Variants in CAMTA1 observed in about 807,000 individuals in gnomAD.
The protein encoded by CAMTA1 is calmodulin binding transcription activator 1, also known as calmodulin-binding transcription activator 1.
CAMTA1 carries 27 observed loss-of-function variants against 170.9 expected under a neutral mutation model. That is an observed-to-expected ratio of 0.16 (90% CI 0.12 to 0.22). The LOEUF is 0.22. CAMTA1 is among the 10% of genes least tolerant of loss of function. CAMTA1 has a pLI of 1.00. For synonymous variants in CAMTA1, 833 were observed against 891.5 expected (o/e 0.93, Z 1.17); for missense variants, 1,619 against 2,217.2 (o/e 0.73, Z 5.42).
At position 7,311,419 on chromosome 1, in the gene CAMTA1, A is replaced by G. The variant is rs1329917609; in HGVS notation, c.438+61793A>G. On this transcript the variant is annotated intron_variant, in intron 5 of 22. Transcript: ENST00000303635. Reference sequence around the variant, plus strand: ...TGAGTTTTCTGTTTGGGTTATGGTAATTTTCAGTTCTAAAATTTCCATTTG... The same window carrying G: ...TGAGTTTTCTGTTTGGGTTATGGTAGTTTTCAGTTCTAAAATTTCCATTTG... 3.3e-5 allele frequency among the ~76,000 whole-genome samples: 5 copies of G among 152,172 alleles called. No homozygotes were observed. The East Asian group carries it at 9.7e-4, about 29-fold the overall frequency.
In CAMTA1 at chr1:7,738,734, C is replaced by T. The variant is rs142847269; in HGVS notation, c.4182+252C>T. 3.3e-5 allele frequency among the ~76,000 whole-genome samples: 5 copies of T among 152,302 alleles called. No individual in the cohort carries two copies. In the East Asian group the frequency reaches 9.6e-4, roughly 29 times the overall value. On this transcript the variant is annotated intron_variant, in intron 16 of 22. Transcript: ENST00000303635. This position sits in a 1 kb window ranked among gnomAD's most constrained non-coding sequence, Gnocchi z 4.9. Reference sequence around the variant, plus strand: ...AAGCCTTCCCTCTTTGTACCAACTTCTCAGAACTCACTGAGGACCCTACAG... The same window carrying T: ...AAGCCTTCCCTCTTTGTACCAACTTTTCAGAACTCACTGAGGACCCTACAG...
chr1:7,518,701 A>G (rs578240819), intron 6 of CAMTA1, among the ~76,000 whole-genome samples: 2 of 152,074 alleles, frequency 1.3e-5, no homozygotes, highest in East Asian at 3.9e-4. Flanking sequence ...AGCTCCACTT[A>G]GCTGACTCCT....
chr1:7,379,631 C>T (rs1023182694), intron 5 of CAMTA1, among the ~76,000 whole-genome samples: 8 of 152,188 alleles, frequency 5.3e-5, no homozygotes, highest in Admixed American at 2.6e-4. Context: ...GCGTCCTCAT[C>T]GGGGCATTCT....
chr1:7,226,522 A>C (rs1661721187), intron 4 of CAMTA1, among the ~76,000 whole-genome samples: 1 of 152,214 alleles, frequency 6.6e-6, no homozygotes, highest in Non-Finnish European at 1.5e-5. Flanking sequence ...GAAAGATACA[A>C]CAAAAAGCAA....
chr1:7,717,854 G>A (rs1198958013), intron 11 of CAMTA1, among the ~76,000 whole-genome samples: 1 of 152,068 alleles, frequency 6.6e-6, no homozygotes, highest in Non-Finnish European at 1.5e-5. Context: ...ACAAATATTT[G>A]TTCTACATGT....
At chr1:6,814,633 CCTAA>C (rs1645573669) in intron 1 of CAMTA1, among the ~76,000 whole-genome samples, 1 of 152,122 alleles carries the variant, frequency 6.6e-6, no homozygotes, top group Non-Finnish European at 1.5e-5. Context: ...AGTTAGCCTC[CCTAA>C]CTATCTAGGC....
intron 5 of CAMTA1, among the ~76,000 whole-genome samples, chr1:7,280,236 C>G (rs1671317474): frequency 6.6e-6 from 1 of 152,260 alleles, no homozygotes; most frequent in East Asian, 1.9e-4. Context: ...CCCCATCTGG[C>G]TCGCCAGTCA....
intron 6 of CAMTA1, among the ~76,000 whole-genome samples, chr1:7,584,991 G>C (rs76448635): frequency 0.013 from 2,009 of 152,292 alleles, 40 homozygotes; most frequent in African/African-American, 0.046. Context: ...ATGGTACATA[G>C]ACCATATATT....
chr1:6,957,307 TC>T (rs1396109674), intron 3 of CAMTA1, among the ~76,000 whole-genome samples: 1 of 152,162 alleles, frequency 6.6e-6, no homozygotes, highest in Non-Finnish European at 1.5e-5. Context: ...AGCAGCGTAT[TC>T]ACTTTCTGTG....
chr1:6,911,745 C>T (rs1263643642), intron 3 of CAMTA1, among the ~76,000 whole-genome samples: 1 of 152,162 alleles, frequency 6.6e-6, no homozygotes, highest in Non-Finnish European at 1.5e-5. Context: ...AGGCCGAGAA[C>T]CACCTCTCTG....
rs1224922453 is a variant in CAMTA1, at chr1:7,093,832, G to A, written c.302+2461G>A. Among the ~76,000 whole-genome samples, 3 of 152,192 alleles carry A rather than the reference G, an allele frequency of 2.0e-5. No homozygotes were observed. Among genetic ancestry groups the A allele is most frequent in the African/African-American group, 7.2e-5 (3 of 41,438 alleles). Reference sequence around the variant, plus strand: ...TGGCTCCGTCACTCAGTGGCTTTGCGACTGTGAAAAGGTCATCTTAGCTCC... The same window carrying A: ...TGGCTCCGTCACTCAGTGGCTTTGCAACTGTGAAAAGGTCATCTTAGCTCC... On this transcript the variant is annotated intron_variant, in intron 4 of 22. Transcript: ENST00000303635. The surrounding 1 kb of genome is among the most constrained non-coding windows in gnomAD (Gnocchi z 4.6).
intron 6 of CAMTA1, among the ~76,000 whole-genome samples, chr1:7,619,318 C>T (rs910064461): frequency 6.6e-6 from 1 of 152,208 alleles, no homozygotes; most frequent in African/African-American, 2.4e-5. Flanking sequence ...GCAGGGTCAG[C>T]CTATTCAGGG....
At chr1:7,171,868 T>A (rs1649683355) in intron 4 of CAMTA1, among the ~76,000 whole-genome samples, 2 of 152,238 alleles carry the variant, frequency 1.3e-5, no homozygotes, top group Admixed American at 1.3e-4. Context: ...ATATAATATG[T>A]GACCTTGTTG....
At chr1:7,521,178 TGAAA>T (rs1419265783) in intron 6 of CAMTA1, among the ~76,000 whole-genome samples, 2 of 152,236 alleles carry the variant, frequency 1.3e-5, no homozygotes, top group Non-Finnish European at 2.9e-5. Context: ...CTCTCTTTTA[TGAAA>T]GCATGGTGAT....
rs1318567634 is a variant in CAMTA1 at position 7,294,265 on chromosome 1, A to T, written c.438+44639A>T. Reference sequence around the variant, plus strand: ...CCCTTTCAGGGGTTTACGCTGTTTAACACTGGCTGAGTGTCAGGACTGGGG... The same window carrying T: ...CCCTTTCAGGGGTTTACGCTGTTTATCACTGGCTGAGTGTCAGGACTGGGG... On this transcript the variant is annotated intron_variant, in intron 5 of 22. Transcript: ENST00000303635. Among the ~76,000 whole-genome samples, 4 of 152,130 alleles carry T rather than the reference A, an allele frequency of 2.6e-5. No individual in the cohort carries two copies. In the East Asian group the frequency reaches 7.7e-4, roughly 29 times the overall value.
At position 7,752,483 on chromosome 1, in the gene CAMTA1, G is replaced by C; in HGVS notation, c.4908G>C (p.Gln1636His). The C allele has an allele frequency of 6.2e-7, 1 of 1,613,266 alleles. No homozygotes were observed. Among genetic ancestry groups the C allele is most frequent in the Non-Finnish European group, 8.5e-7 (1 of 1,179,692 alleles). ...KLRSSLLTKKQDQAARKIMRF... is the reference protein window; with the variant it reads ...KLRSSLLTKKHDQAARKIMRF... ...GGAGCAGTTTGCTAACCAAAAAGCA[G>C]GATCAAGCTGCTCGAAAAATAATGA... Residue 1636 changes from glutamine to histidine, a missense_variant, in exon 21 of 23, where the codon CAG (glutamine) becomes CAC (histidine). By Grantham distance (24) the Gln-to-His change is conservative. Transcript: ENST00000303635.
intron 11 of CAMTA1, among the ~76,000 whole-genome samples, chr1:7,726,170 T>C (rs777878281): frequency 1.3e-5 from 2 of 152,264 alleles, no homozygotes; most frequent in East Asian, 1.9e-4. Context: ...CTCAGCCCAG[T>C]TGACACTTTA....
At chr1:7,374,337 A>C (rs1465918639) in intron 5 of CAMTA1, among the ~76,000 whole-genome samples, 1 of 152,226 alleles carries the variant, frequency 6.6e-6, no homozygotes, top group Non-Finnish European at 1.5e-5. Context: ...TGAGAGAGGG[A>C]AAATAAGAGT....
Position 7,663,889 on chromosome 1 carries a change from G to C in CAMTA1, c.1342G>C (p.Gly448Arg). The change falls in exon 9 of 23, where the codon GGC becomes CGC. Residue 448 changes from glycine (G) to arginine (R), a missense_variant. Gly to Arg is a moderately radical substitution (Grantham distance 125). This residue lies in a region of CAMTA1 where 731 missense variants were observed against 907.6 expected (regional missense o/e 0.81). Coordinates refer to ENST00000303635, the MANE Select transcript of CAMTA1 (RefSeq NM_015215.4). ...DGHKFAFPTTGSSESLSMLPT... is the reference protein window; with the variant it reads ...DGHKFAFPTTRSSESLSMLPT... ...CCACAAGTTCGCCTTTCCCACCACG[G>C]GCAGCTCGGAGAGCCTGTCCATGCT... 6.2e-7 allele frequency: 1 copy of C among 1,613,912 alleles called. No homozygotes were observed. The highest frequency in any genetic ancestry group is 8.5e-7 in the Non-Finnish European group (1 of 1,180,044).
Sources: gnomAD v4.1 joint callset for allele counts (sites outside exome capture counted in the v4.1 genomes callset) on GRCh38, gnomAD v4.1.1 for gene constraint, gnomAD v4.1.1 regional missense constraint, Gnocchi (gnomAD v3.1) non-coding constraint, MANE v1.5 for transcripts, NCBI Gene and HGNC (gene_info 2026-07-23, HGNC 2026-07-21) for gene names.